The following DLGAP2 variants were observed in gnomAD, a reference collection of about 807,000 sequenced individuals.
DLGAP2 encodes the protein disks large-associated protein 2.
Under a neutral mutation model 100.3 loss-of-function variants are expected in DLGAP2, and 26 were observed. That is an observed-to-expected ratio of 0.26 (90% CI 0.19 to 0.36). The LOEUF (loss-of-function observed/expected upper bound fraction) is 0.36, where lower values mean the gene tolerates loss of function less well. DLGAP2 is among the 10% of genes least tolerant of loss of function. The pLI is 1.00. For synonymous variants in DLGAP2, 886 were observed against 630.1 expected (o/e 1.41, Z -6.08); for missense variants, 1,858 against 1,453.2 (o/e 1.28, Z -4.53).
chr8:975,499 C>T (rs1288781127), intron 2 of DLGAP2, among the ~76,000 whole-genome samples: 3 of 152,114 alleles, frequency 2.0e-5, no homozygotes, highest in African/African-American at 4.8e-5. Flanking sequence ...AGATCCTCAG[C>T]AAAGTATGAG....
intron 2 of DLGAP2, among the ~76,000 whole-genome samples, chr8:1,131,497 C>T (rs576299247): frequency 6.6e-6 from 1 of 152,278 alleles, no homozygotes; most frequent in Non-Finnish European, 1.5e-5. Flanking sequence ...TTGGGTTCTC[C>T]ACCACCCACA....
chr8:1,267,102 G>A (rs984577696), intron 3 of DLGAP2, among the ~76,000 whole-genome samples: 2 of 151,706 alleles, frequency 1.3e-5, no homozygotes, highest in African/African-American at 4.8e-5. Flanking sequence ...CGTGGGGGTG[G>A]GTGCCTGTAG....
chr8:1,282,562 A>G (rs1473742658), intron 3 of DLGAP2, among the ~76,000 whole-genome samples: 1 of 122,558 alleles, frequency 8.2e-6, no homozygotes, highest in Non-Finnish European at 1.7e-5. Flanking sequence ...GTGTGACCTG[A>G]ACCCAGCACA....
intron 2 of DLGAP2, among the ~76,000 whole-genome samples, chr8:1,148,376 C>T (rs1796641337): frequency 1.3e-5 from 2 of 152,094 alleles, no homozygotes; most frequent in Admixed American, 1.3e-4. Flanking sequence ...AGGAATTTAT[C>T]AATATTACTA....
chr8:1,293,477 C>T (rs1800105059), intron 3 of DLGAP2, among the ~76,000 whole-genome samples: 1 of 152,240 alleles, frequency 6.6e-6, no homozygotes. Context: ...GGCTCCAGTG[C>T]AGCTCATCTC....
At chr8:1,568,517 C>G (rs1231595072) in intron 6 of DLGAP2, among the ~76,000 whole-genome samples, 1 of 140,966 alleles carries the variant, frequency 7.1e-6, no homozygotes, top group Non-Finnish European at 1.5e-5. Flanking sequence ...CCACTGTCCA[C>G]TCAGCAGACA....
chr8:1,486,010 G>A (rs775140194), intron 3 of DLGAP2, among the ~76,000 whole-genome samples: 23 of 152,178 alleles, frequency 1.5e-4, no homozygotes, highest in Non-Finnish European at 2.5e-4. Flanking sequence ...CTGGGTGACA[G>A]AAAGAGACTC....
intron 5 of DLGAP2, among the ~76,000 whole-genome samples, chr8:1,555,790 G>A (rs975075941): frequency 6.6e-6 from 1 of 152,196 alleles, no homozygotes; most frequent in Non-Finnish European, 1.5e-5. Flanking sequence ...TCCCCATGAC[G>A]GAAATTCCAG....
chr8:872,815 C>T (rs544917191), intron 1 of DLGAP2, among the ~76,000 whole-genome samples: 1 of 152,226 alleles, frequency 6.6e-6, no homozygotes, highest in Non-Finnish European at 1.5e-5. Flanking sequence ...TAGGCACCCT[C>T]TCTGTCCTCC....
chr8:852,521 C>T (rs935019699), intron 1 of DLGAP2, among the ~76,000 whole-genome samples: 1 of 152,152 alleles, frequency 6.6e-6, no homozygotes, highest in Non-Finnish European at 1.5e-5. Context: ...TTCTGTGGGT[C>T]ATTTTCCTCT....
At chr8:1,365,886 A>C (rs1341009723) in intron 3 of DLGAP2, among the ~76,000 whole-genome samples, 1 of 152,212 alleles carries the variant, frequency 6.6e-6, no homozygotes. Context: ...CCCAGAATAA[A>C]CATCTGCCCA....
At chr8:975,149 T>C (rs1339733297) in intron 2 of DLGAP2, among the ~76,000 whole-genome samples, 1 of 152,122 alleles carries the variant, frequency 6.6e-6, no homozygotes, top group Non-Finnish European at 1.5e-5. Flanking sequence ...CTGCATGAAA[T>C]GGACAAGTTG....
chr8:1,209,446 T>C (rs1158250538), intron 2 of DLGAP2, among the ~76,000 whole-genome samples: 1 of 152,234 alleles, frequency 6.6e-6, no homozygotes, highest in Non-Finnish European at 1.5e-5. Context: ...TATCATTGCA[T>C]ATGTAGTCCT....
At chr8:861,062 G>T (rs1389318423) in intron 1 of DLGAP2, among the ~76,000 whole-genome samples, 1 of 152,156 alleles carries the variant, frequency 6.6e-6, no homozygotes, top group East Asian at 1.9e-4. Context: ...GGGAGCGGAG[G>T]GGACATGAGG....
intron 1 of DLGAP2, among the ~76,000 whole-genome samples, chr8:756,347 G>C (rs1467821505): frequency 1.3e-5 from 2 of 152,182 alleles, no homozygotes; most frequent in Admixed American, 6.5e-5. Flanking sequence ...ATGTCGTTGT[G>C]GGACCGCCTT....
chr8:1,455,143 G>C (rs781666567), intron 3 of DLGAP2, among the ~76,000 whole-genome samples: 1 of 152,230 alleles, frequency 6.6e-6, no homozygotes, highest in Non-Finnish European at 1.5e-5. Flanking sequence ...CCCTGTGAGC[G>C]GCTGGTCTGA....
intron 1 of DLGAP2, among the ~76,000 whole-genome samples, chr8:776,646 G>T (rs1048689323): frequency 6.6e-6 from 1 of 152,180 alleles, no homozygotes; most frequent in Non-Finnish European, 1.5e-5. Context: ...CAGTTTCCAT[G>T]TAGCTGAGCG....
chr8:920,638 C>A (rs779630547), intron 2 of DLGAP2, among the ~76,000 whole-genome samples: 1 of 152,004 alleles, frequency 6.6e-6, no homozygotes, highest in Non-Finnish European at 1.5e-5. Context: ...GTAGTCCTAG[C>A]TACTCAGGAG....
At chr8:769,487 C>A (rs116732466) in intron 1 of DLGAP2, among the ~76,000 whole-genome samples, 2 of 152,026 alleles carry the variant, frequency 1.3e-5, no homozygotes, top group Non-Finnish European at 2.9e-5. Flanking sequence ...TAGAGAATCC[C>A]CATGTAATTT....
Sources: gnomAD v4.1 joint callset for allele counts (sites outside exome capture counted in the v4.1 genomes callset) on GRCh38, gnomAD v4.1.1 for gene constraint, MANE v1.5 for transcripts, NCBI Gene and HGNC (gene_info 2026-07-23, HGNC 2026-07-21) for gene names.